Variants in PALLD observed in about 807,000 individuals in gnomAD.
The protein encoded by PALLD is palladin, cytoskeletal associated protein.
PALLD carries 61 observed loss-of-function variants against 123.5 expected under a neutral mutation model. The observed-to-expected ratio is 0.49, with a 90% confidence interval of 0.40 to 0.61. PALLD has a LOEUF of 0.61. PALLD is among the 20% of genes least tolerant of loss of function. PALLD has a pLI of 0.00. For synonymous variants in PALLD, 465 were observed against 496.4 expected (o/e 0.94, Z 0.84); for missense variants, 1,273 against 1,377.0 (o/e 0.92, Z 1.20).
intron 17 of PALLD, among the ~76,000 whole-genome samples, chr4:168,917,496 C>T (rs1035237809): frequency 6.6e-6 from 1 of 152,138 alleles, no homozygotes; most frequent in Non-Finnish European, 1.5e-5. Context: ...AGAAACACTG[C>T]TCTAAAATTT....
chr4:168,690,689 G>T lies in PALLD; in HGVS notation c.1422G>T (p.Trp474Cys), dbSNP rs775217679. ...GGGCACCCCCTCTGCAGGTCCAGTG[G>T]TTTCGGCAAGGGAGTGAAATCCAAG... is the stretch of plus-strand genomic sequence containing the variant. ...VRGAPPLQVQ[W>C]FRQGSEIQDS... The change falls in exon 7 of 22, where the codon TGG becomes TGT. Residue 474 changes from tryptophan (W) to cysteine (C), a missense_variant. Coordinates refer to ENST00000505667, the MANE Select transcript of PALLD (RefSeq NM_001166108.2). The T allele has an allele frequency of 6.2e-7, 1 of 1,614,036 alleles. No individual in the cohort carries two copies. Among genetic ancestry groups the T allele is most frequent in the African/African-American group, 1.3e-5 (1 of 74,902 alleles).
intron 8 of PALLD, among the ~76,000 whole-genome samples, chr4:168,694,734 C>T (rs1782977062): frequency 2.0e-5 from 3 of 152,186 alleles, no homozygotes; most frequent in African/African-American, 7.2e-5. Context: ...GTCACTGCTG[C>T]GTCGTATCTG....
At chr4:168,762,719 C>T (rs57814794) in intron 10 of PALLD, among the ~76,000 whole-genome samples, 3,332 of 152,236 alleles carry the variant, frequency 0.022, 118 homozygotes, top group African/African-American at 0.076. Flanking sequence ...TAAAGACACA[C>T]GCACACGTAT....
chr4:168,721,825 CCTT>C (rs1229117357), intron 10 of PALLD, among the ~76,000 whole-genome samples: 2 of 152,162 alleles, frequency 1.3e-5, no homozygotes, highest in African/African-American at 2.4e-5. Context: ...TGTGGGATCT[CCTT>C]CTAGAAACCA....
chr4:168,610,869 G>A (rs1160801987), intron 2 of PALLD, among the ~76,000 whole-genome samples: 1 of 152,136 alleles, frequency 6.6e-6, no homozygotes, highest in Admixed American at 6.5e-5. Context: ...GTAGAGATAG[G>A]GAGTTCTTTT....
chr4:168,848,653 C>T (rs1217138204), intron 10 of PALLD, among the ~76,000 whole-genome samples: 1 of 152,168 alleles, frequency 6.6e-6, no homozygotes, highest in African/African-American at 2.4e-5. Context: ...AGAATTCAAA[C>T]ATTAAATGTA....
intron 16 of PALLD, among the ~76,000 whole-genome samples, chr4:168,914,667 G>T (rs1385343233): frequency 6.6e-6 from 1 of 152,166 alleles, no homozygotes; most frequent in Non-Finnish European, 1.5e-5. Flanking sequence ...AAAAAATTCA[G>T]TAAGTCAACC....
At chr4:168,598,422 A>C (rs751508308) in intron 2 of PALLD, 73 of 628,290 alleles carry the variant, frequency 1.2e-4, no homozygotes, top group Non-Finnish European at 2.0e-4. Context: ...ATTCCAGGAA[A>C]CATTTCTGTG....
chr4:168,583,088 C>G (rs1770454522), intron 2 of PALLD, among the ~76,000 whole-genome samples: 1 of 152,146 alleles, frequency 6.6e-6, no homozygotes, highest in African/African-American at 2.4e-5. Flanking sequence ...CTATATATTT[C>G]AGCCCTAATG....
At chr4:168,716,602 T>C (rs552353072) in intron 10 of PALLD, among the ~76,000 whole-genome samples, 31 of 152,330 alleles carry the variant, frequency 2.0e-4, no homozygotes, top group African/African-American at 6.5e-4. Context: ...TTTGATACCC[T>C]ATTGTTCTGC....
chr4:168,791,436 A>G (rs546971758), intron 10 of PALLD, among the ~76,000 whole-genome samples: 15 of 152,288 alleles, frequency 9.8e-5, no homozygotes, highest in Non-Finnish European at 2.2e-4. Flanking sequence ...GAAACTTACA[A>G]TCATGGTGGA....
At chr4:168,635,936 G>A (rs1174080840) in intron 2 of PALLD, among the ~76,000 whole-genome samples, 1 of 152,188 alleles carries the variant, frequency 6.6e-6, no homozygotes, top group African/African-American at 2.4e-5. Context: ...AACTACATTG[G>A]AATTGAGGAT....
chr4:168,566,140 G>C (rs768585754), intron 2 of PALLD, among the ~76,000 whole-genome samples: 1 of 152,194 alleles, frequency 6.6e-6, no homozygotes, highest in Non-Finnish European at 1.5e-5. Context: ...TATTCTTCAG[G>C]AGTGCTAAGG....
In PALLD at chr4:168,924,340, T is replaced by C. The variant is rs1475329080; in HGVS notation, c.3144T>C (p.Cys1048=). 6.2e-7 allele frequency: 1 copy of C among 1,613,884 alleles called. No individual in the cohort carries two copies. Among genetic ancestry groups the C allele is most frequent in the Non-Finnish European group, 8.5e-7 (1 of 1,179,844 alleles). ...ATGGGTACCCAGTGCGGCTGGAATG[T>C]CGTGTATTGGGAGTGCCACCACCTC... ...VADGYPVRLE[C]RVLGVPPPQI... Residue 1048 remains cysteine (C), a synonymous_variant, in exon 19 of 22, where the codon TGT becomes TGC. Transcript: ENST00000505667.
chr4:168,511,790 G>A lies in PALLD; in HGVS notation c.286G>A (p.Asp96Asn). The A allele has an allele frequency of 6.2e-7, 1 of 1,614,138 alleles. No individual in the cohort carries two copies. The change falls in exon 2 of 22, where the codon GAT (aspartate) becomes AAT (asparagine). Residue 96 changes from aspartate to asparagine, a missense_variant. Transcript: ENST00000505667. ...LGEHASRRPQ[D>N]NRSTPVQPLA... ...TGAACACGCCTCGAGGAGACCTCAG[G>A]ATAACAGGTCAACACCTGTCCAGCC... is the stretch of plus-strand genomic sequence containing the variant.
At chr4:168,625,843 G>A (rs1775213689) in intron 2 of PALLD, among the ~76,000 whole-genome samples, 2 of 152,078 alleles carry the variant, frequency 1.3e-5, no homozygotes, top group Admixed American at 6.6e-5. Context: ...AGCCACTATC[G>A]AAATCAGTCT....
At chr4:168,856,489 C>T (rs1273648449) in intron 10 of PALLD, among the ~76,000 whole-genome samples, 1 of 152,210 alleles carries the variant, frequency 6.6e-6, no homozygotes, top group Non-Finnish European at 1.5e-5. Flanking sequence ...TCCCTTTTCT[C>T]CACATCCTGG....
chr4:168,566,879 G>C (rs1053831086), intron 2 of PALLD, among the ~76,000 whole-genome samples: 1 of 152,096 alleles, frequency 6.6e-6, no homozygotes, highest in Non-Finnish European at 1.5e-5. Flanking sequence ...TGGATAGTGT[G>C]GATTGGTCAG....
intron 2 of PALLD, among the ~76,000 whole-genome samples, chr4:168,615,530 A>G (rs1017455884): frequency 6.6e-6 from 1 of 152,220 alleles, no homozygotes; most frequent in African/African-American, 2.4e-5. Context: ...CGGGGCACAA[A>G]GAGACAGGAT....
Sources: allele counts gnomAD v4.1 joint callset (sites outside exome capture counted in the v4.1 genomes callset), GRCh38; gene constraint gnomAD v4.1.1; transcripts MANE v1.5; gene names NCBI Gene and HGNC (gene_info 2026-07-23, HGNC 2026-07-21).